The following CX3CL1 variants were observed in gnomAD, a reference collection of about 807,000 sequenced individuals.
The protein encoded by CX3CL1 is C-X3-C motif chemokine ligand 1, also known as fractalkine.
CX3CL1 carries 1 observed loss-of-function variant against 14.1 expected under a neutral mutation model. The observed-to-expected ratio is 0.07, with a 90% CI of 0.03 to 0.34. The LOEUF is 0.34. Among genes scored for constraint, CX3CL1 ranks in the 10% least tolerant of loss-of-function variants. The pLI, the probability that CX3CL1 is intolerant of heterozygous loss-of-function variation, is 0.99. For synonymous variants in CX3CL1, 255 were observed against 229.6 expected, an observed-to-expected ratio of 1.11 and a Z score of -1.00; for missense variants, 505 against 536.4, an observed-to-expected ratio of 0.94 and a Z score of 0.58.
At position 57,382,975 on chromosome 16, in the gene CX3CL1, C is replaced by A. The variant is rs1273082304; in HGVS notation, c.1137C>A (p.Gly379=). Residue 379 remains glycine, a synonymous_variant, in exon 3 of 3, where the codon GGC becomes GGA. Transcript: ENST00000006053. This position sits in a 1 kb window ranked among gnomAD's most constrained non-coding sequence, Gnocchi z 6.9. The stretch of plus-strand genomic sequence containing the variant: ...AGATGGCAGGAGAGATGGCGGAGGG[C>A]CTTCGCTACATCCCCCGGAGCTGTG... ...PRKMAGEMAE[G]LRYIPRSCGS... 6.6e-7 allele frequency: 1 copy of A among 1,506,832 alleles called. No individual in the cohort carries two copies. Among genetic ancestry groups the A allele is most frequent in the Non-Finnish European group, 8.9e-7 (1 of 1,125,772 alleles). The allele number at this position is 1,506,832 out of a possible 1,614,324, so 93.3% of individuals were successfully genotyped here. A position where few individuals can be genotyped will look rare whatever the true frequency, so the allele number is the denominator to read the frequency against.
At chr16:57,374,768 G>T (rs1902223679) in intron 1 of CX3CL1, among the ~76,000 whole-genome samples, 1 of 152,156 alleles carries the variant, frequency 6.6e-6, no homozygotes, top group African/African-American at 2.4e-5. Context: ...TAATTCAACT[G>T]CAGAGGACAC....
chr16:57,381,403 C>T (rs560982199), intron 2 of CX3CL1, among the ~76,000 whole-genome samples: 5 of 152,146 alleles, frequency 3.3e-5, no homozygotes, highest in Non-Finnish European at 7.4e-5. Context: ...CCCTTCTGCC[C>T]GTGAACACAC....
At chr16:57,374,245 C>G (rs1300293582) in intron 1 of CX3CL1, among the ~76,000 whole-genome samples, 1 of 152,040 alleles carries the variant, frequency 6.6e-6, no homozygotes, top group African/African-American at 2.4e-5. Flanking sequence ...AGAGAGACCC[C>G]GAGAGGAGGC....
chr16:57,377,924 A>G (rs1902266567), intron 1 of CX3CL1: 1 of 152,230 alleles, frequency 6.6e-6, no homozygotes, highest in African/African-American at 2.4e-5. Flanking sequence ...GAAAAGGTGG[A>G]AATTCAATGT....
rs1902286283 is a variant in CX3CL1 at position 57,379,259 on chromosome 16, G to A, written c.71-375G>A. ...GAGAATCGCTTGAATCTGGGAGGCCGAGGTTGCGGTGAGCCGAGATCATGC... is the reference window on the plus strand; with the variant it reads ...GAGAATCGCTTGAATCTGGGAGGCCAAGGTTGCGGTGAGCCGAGATCATGC... On this transcript the variant is annotated intron_variant, in intron 1 of 2. Coordinates refer to ENST00000006053, the MANE Select transcript of CX3CL1 (RefSeq NM_002996.6). 12 of 253,226 alleles carry A rather than the reference G, an allele frequency of 4.7e-5. No individual in the cohort carries two copies. In the Admixed American group the frequency reaches 5.5e-4, roughly 12 times the overall value. The allele number at this position is 253,226 out of a possible 1,614,324, so 15.7% of individuals were successfully genotyped here.
rs370231550 is a variant in CX3CL1, at chr16:57,380,358, G to A, written c.191+604G>A. Among the ~76,000 whole-genome samples, 9 of 152,308 alleles carry A rather than the reference G, an allele frequency of 5.9e-5. No homozygotes were observed. In the East Asian group the frequency reaches 9.7e-4, roughly 16 times the overall value. On this transcript the variant is annotated intron_variant, in intron 2 of 2. Coordinates refer to ENST00000006053, the MANE Select transcript of CX3CL1 (RefSeq NM_002996.6). ...GGATCACTTGAGGCCAGGAGTTCAAGACCAGGCTGGCCAACACGGTGAAAC... is the reference window on the plus strand; with the variant it reads ...GGATCACTTGAGGCCAGGAGTTCAAAACCAGGCTGGCCAACACGGTGAAAC...
chr16:57,380,099 G>A (rs978089975), intron 2 of CX3CL1, among the ~76,000 whole-genome samples: 4 of 152,176 alleles, frequency 2.6e-5, no homozygotes, highest in East Asian at 1.9e-4. Context: ...GGTGTGGGTA[G>A]GTGTAAAGCA....
rs139108350 is a variant in CX3CL1 at position 57,381,463 on chromosome 16, C to T, written c.192-567C>T. On this transcript the variant is annotated intron_variant, in intron 2 of 2. Coordinates refer to ENST00000006053, the MANE Select transcript of CX3CL1 (RefSeq NM_002996.6). ...GGAGCACAGCCTGTAGCTGTGAAAC[C>T]GAAGGAGAGGAGCAACAAGACTCAC... Among the ~76,000 whole-genome samples, 283 of 152,038 alleles carry T rather than the reference C, an allele frequency of 1.9e-3. 2 individuals carry two copies. The highest frequency in any genetic ancestry group is 6.6e-3 in the African/African-American group (273 of 41,476).
Position 57,372,551 on chromosome 16 carries a change from T to A in CX3CL1, c.-18T>A. On this transcript the variant is annotated 5_prime_UTR_variant, in exon 1 of 3. Transcript: ENST00000006053. ...CCGCCTGCCTGGCCCCCGCCGGGAC[T>A]CTTGCCCACCCTCAGCCATGGCTCC... 1 of 1,610,342 alleles carries A rather than the reference T, an allele frequency of 6.2e-7. No homozygotes were observed. The highest frequency in any genetic ancestry group is 8.5e-7 in the Non-Finnish European group (1 of 1,179,724).
In CX3CL1 at chr16:57,382,299, C is replaced by T; in HGVS notation, c.461C>T (p.Ser154Phe). The T allele has an allele frequency of 2.5e-6, 4 of 1,606,456 alleles. No homozygotes were observed. The highest frequency in any genetic ancestry group is 3.4e-6 in the Non-Finnish European group (4 of 1,176,162). Residue 154 changes from serine (S) to phenylalanine (F), a missense_variant, in exon 3 of 3, where the codon TCC becomes TTC. Transcript: ENST00000006053. This position sits in a 1 kb window ranked among gnomAD's most constrained non-coding sequence, Gnocchi z 6.9. ...GAAGCACAGAGGGCCCTGGGGACCTCCCCAGAGCTGCCGACGGGCGTGACT... is the reference window on the plus strand; with the variant it reads ...GAAGCACAGAGGGCCCTGGGGACCTTCCCAGAGCTGCCGACGGGCGTGACT... ...SQEAQRALGT[S>F]PELPTGVTGS...
Position 57,382,010 on chromosome 16 carries a change from C to T in CX3CL1, c.192-20C>T, listed in dbSNP as rs749403622. ...TCTGGTATCTGGGCATAACCGAATC[C>T]CTGTCTTCCTCCCTTGTAGCTTGGA... On this transcript the variant is annotated intron_variant, in intron 2 of 2. Coordinates refer to ENST00000006053, the MANE Select transcript of CX3CL1 (RefSeq NM_002996.6). This position sits in a 1 kb window ranked among gnomAD's most constrained non-coding sequence, Gnocchi z 6.9. 3 of 1,555,676 alleles carry T rather than the reference C, an allele frequency of 1.9e-6. No homozygotes were observed. Among genetic ancestry groups the T allele is most frequent in the Non-Finnish European group, 2.6e-6 (3 of 1,145,500 alleles).
chr16:57,382,570 C>A lies in CX3CL1; in HGVS notation c.732C>A (p.Gly244=), dbSNP rs1902344732. ...PAPEENAPSE[G]QRVWGQGQSP... is the part of the protein sequence containing the mutation. ...CAGAGGAGAATGCTCCGTCTGAAGG[C>A]CAGCGTGTGTGGGGTCAGGGACAGA... The change falls in exon 3 of 3, where the codon GGC becomes GGA. Residue 244 remains glycine (G), a synonymous_variant. Coordinates refer to ENST00000006053, the MANE Select transcript of CX3CL1 (RefSeq NM_002996.6). The surrounding 1 kb of genome is among the most constrained non-coding windows in gnomAD (Gnocchi z 6.9). 1 of 1,613,930 alleles carries A rather than the reference C, an allele frequency of 6.2e-7. No individual in the cohort carries two copies. Among genetic ancestry groups the A allele is most frequent in the South Asian group, 1.1e-5 (1 of 91,088 alleles).
chr16:57,380,712 G>A (rs1305391192), intron 2 of CX3CL1, among the ~76,000 whole-genome samples: 1 of 152,058 alleles, frequency 6.6e-6, no homozygotes. Context: ...GGCTGTTGAA[G>A]ACCCTGGCAA....
Position 57,382,850 on chromosome 16 carries a change from A to G in CX3CL1, c.1012A>G (p.Thr338Ala). The G allele has an allele frequency of 6.4e-7, 1 of 1,557,810 alleles. No individual in the cohort carries two copies. Among genetic ancestry groups the G allele is most frequent in the Non-Finnish European group, 8.7e-7 (1 of 1,147,770 alleles). ...ITPVPDAQAA[T>A]RRQAVGLLAF... ...TCCTGTCCCTGACGCCCAGGCTGCC[A>G]CCCGGAGGCAGGCGGTGGGGCTGCT... is the stretch of plus-strand genomic sequence containing the variant. Residue 338 changes from threonine (T) to alanine (A), a missense_variant, in exon 3 of 3, where the codon ACC becomes GCC. Transcript: ENST00000006053. This position sits in a 1 kb window ranked among gnomAD's most constrained non-coding sequence, Gnocchi z 6.9.
In CX3CL1 at chr16:57,382,043, C is replaced by A; in HGVS notation, c.205C>A (p.Gln69Lys). 1 of 1,584,922 alleles carries A rather than the reference C, an allele frequency of 6.3e-7. No homozygotes were observed. The highest frequency in any genetic ancestry group is 8.6e-7 in the Non-Finnish European group (1 of 1,160,260). Residue 69 changes from glutamine (Q) to lysine (K), a missense_variant, in exon 3 of 3, where the codon CAG becomes AAG. Transcript: ENST00000006053. This position sits in a 1 kb window ranked among gnomAD's most constrained non-coding sequence, Gnocchi z 6.9. ...CCTCCCTTGTAGCTTGGAGACGAGA[C>A]AGCACAGGCTGTTCTGTGCCGACCC... ...GKRAIILETR[Q>K]HRLFCADPKE...
At position 57,372,540 on chromosome 16, in the gene CX3CL1, C is replaced by A. The variant is rs779267755; in HGVS notation, c.-29C>A. The stretch of plus-strand genomic sequence containing the variant: ...CCTGGCTCTAGCCGCCTGCCTGGCC[C>A]CCGCCGGGACTCTTGCCCACCCTCA... On this transcript the variant is annotated 5_prime_UTR_variant, in exon 1 of 3. Transcript: ENST00000006053. 1 of 1,607,430 alleles carries A rather than the reference C, an allele frequency of 6.2e-7. No individual in the cohort carries two copies. The highest frequency in any genetic ancestry group is 1.1e-5 in the South Asian group (1 of 91,030).
At position 57,382,184 on chromosome 16, in the gene CX3CL1, C is replaced by A. The variant is rs1162216731; in HGVS notation, c.346C>A (p.Pro116Thr). The change falls in exon 3 of 3, where the codon CCT becomes ACT. Residue 116 changes from proline (P) to threonine (T), a missense_variant. Physicochemically the swap from Pro to Thr is conservative, Grantham distance 38 (BLOSUM62 -1). Transcript: ENST00000006053. This position sits in a 1 kb window ranked among gnomAD's most constrained non-coding sequence, Gnocchi z 6.9. ...CGGCGAGGTGAAGCCCAGGACCACC[C>A]CTGCCGCCGGGGGAATGGACGAGTC... ...QIGEVKPRTT[P>T]AAGGMDESVV... 13 of 1,613,612 alleles carry A rather than the reference C, an allele frequency of 8.1e-6. No individual in the cohort carries two copies. The highest frequency in any genetic ancestry group is 1.1e-5 in the Non-Finnish European group (13 of 1,179,878).
In CX3CL1 at chr16:57,372,642, A is replaced by G. The variant is rs1384802950; in HGVS notation, c.70+4A>G. 1 of 1,613,382 alleles carries G rather than the reference A, an allele frequency of 6.2e-7. No homozygotes were observed. The highest frequency in any genetic ancestry group is 8.5e-7 in the Non-Finnish European group (1 of 1,179,874). On this transcript the variant is annotated splice_donor_region_variant and intron_variant, in intron 1 of 2. Coordinates refer to ENST00000006053, the MANE Select transcript of CX3CL1 (RefSeq NM_002996.6). ...CATCTGACTGTCCTGCTGGCTGGTA[A>G]GTGGGGCTTGACTTGGGCACAAACA...
At position 57,382,052 on chromosome 16, in the gene CX3CL1, C is replaced by G. The variant is rs752356041; in HGVS notation, c.214C>G (p.Leu72Val). Residue 72 changes from leucine to valine, a missense_variant, in exon 3 of 3, where the codon CTG (leucine) becomes GTG (valine). By Grantham distance (32) the Leu-to-Val change is conservative (BLOSUM62 1). Coordinates refer to ENST00000006053, the MANE Select transcript of CX3CL1 (RefSeq NM_002996.6). The surrounding 1 kb of genome is among the most constrained non-coding windows in gnomAD (Gnocchi z 6.9). ...AIILETRQHR[L>V]FCADPKEQWV... ...TAGCTTGGAGACGAGACAGCACAGGCTGTTCTGTGCCGACCCGAAGGAGCA... is the reference window on the plus strand; with the variant it reads ...TAGCTTGGAGACGAGACAGCACAGGGTGTTCTGTGCCGACCCGAAGGAGCA... 4 of 1,594,572 alleles carry G rather than the reference C, an allele frequency of 2.5e-6. No homozygotes were observed. In the South Asian group the frequency reaches 4.5e-5, roughly 18 times the overall value.
Sources: allele counts gnomAD v4.1 joint callset (sites outside exome capture counted in the v4.1 genomes callset), GRCh38; gene constraint gnomAD v4.1.1; non-coding constraint Gnocchi (gnomAD v3.1); transcripts MANE v1.5; gene names NCBI Gene and HGNC (gene_info 2026-07-23, HGNC 2026-07-21).